TTC39A: variants seen among roughly 807,000 people sequenced by gnomAD.
The protein encoded by TTC39A is tetratricopeptide repeat protein 39A.
Under a neutral mutation model 82.3 loss-of-function variants are expected in TTC39A, and 46 were observed. The ratio of observed to expected loss-of-function variants is 0.56; its 90% CI spans 0.44 to 0.71. TTC39A has a LOEUF of 0.71. Ranked by LOEUF, TTC39A falls within the 30% of genes least tolerant of loss-of-function variation. TTC39A has a pLI of 0.00. For missense variants in TTC39A, 543 were observed against 712.9 expected (o/e 0.76, Z 2.71); for synonymous variants, 254 against 275.2 (o/e 0.92, Z 0.76).
chr1:51,291,040 G>T (rs554182260), intron 14 of TTC39A, among the ~76,000 whole-genome samples: 1 of 152,284 alleles, frequency 6.6e-6, no homozygotes, highest in South Asian at 2.1e-4. Flanking sequence ...TTAAGGCTAT[G>T]TCACCTTCTC....
At chr1:51,291,628 CAAAAAAAAAAAAAAAAAA>C (rs58825279) in intron 14 of TTC39A, among the ~76,000 whole-genome samples, 1 of 49,952 alleles carries the variant, frequency 2.0e-5, no homozygotes, top group African/African-American at 7.9e-5. Flanking sequence ...CCATCTCCAC[CAAAAAAAAAAAAAAAAAA>C]AAAAAAAAAA....
intron 1 of TTC39A, among the ~76,000 whole-genome samples, chr1:51,323,793 T>A (rs1313881907): frequency 6.6e-6 from 1 of 152,228 alleles, no homozygotes; most frequent in African/African-American, 2.4e-5. Flanking sequence ...CCATCTTCAA[T>A]TCCTTTATAC....
intron 1 of TTC39A, chr1:51,344,864 C>T (rs1570037657): frequency 8.2e-7 from 1 of 1,214,348 alleles, no homozygotes; most frequent in Non-Finnish European, 1.1e-6. Context: ...CCGACCCCCA[C>T]GCCCAGCAGC....
chr1:51,336,068 C>G (rs1017312679), upstream of TTC39A, among the ~76,000 whole-genome samples: 1 of 152,074 alleles, frequency 6.6e-6, no homozygotes, highest in Non-Finnish European at 1.5e-5. Context: ...CAGATACCCC[C>G]TCTTCAGAGT....
At chr1:51,328,543 C>A (rs1430864361) in intron 1 of TTC39A, among the ~76,000 whole-genome samples, 2 of 152,216 alleles carry the variant, frequency 1.3e-5, no homozygotes, top group Non-Finnish European at 2.9e-5. Flanking sequence ...TTAAGACTTA[C>A]ACACACTGAG....
intron 6 of TTC39A, among the ~76,000 whole-genome samples, chr1:51,307,734 CAAAAAAAAA>C (rs1216098958): frequency 1.3e-5 from 1 of 75,340 alleles, no homozygotes; most frequent in African/African-American, 4.4e-5. Context: ...GACTCTGTCT[CAAAAAAAAA>C]AAAAAAAAAA....
chr1:51,333,220 C>CAAAAAAAAAAAAAAAAAAAAA (rs748559262), upstream of TTC39A, among the ~76,000 whole-genome samples: 1 of 80,290 alleles, frequency 1.2e-5, no homozygotes, highest in Non-Finnish European at 2.5e-5. Context: ...TCGCCCCCAC[C>CAAAAAAAAAAAAAAAAAAAAA]AAAAAAAAAA....
At chr1:51,300,977 A>G (rs1644629803) in intron 12 of TTC39A, 1 of 152,278 alleles carries the variant, frequency 6.6e-6, no homozygotes, top group African/African-American at 2.4e-5. Context: ...TCCTGCAAAG[A>G]TGCAGCAGAA....
In TTC39A at chr1:51,287,567, A is replaced by G. The variant is rs754344484; in HGVS notation, c.*590T>C. On this transcript the variant is annotated 3_prime_UTR_variant, in exon 18 of 18. Coordinates refer to ENST00000680483, the MANE Select transcript of TTC39A (RefSeq NM_001297663.2). Reference sequence around the variant, plus strand: ...GATTTTTAAATTGGAAATTTACAAAAGGAGTGAAATGAAGTGTGAGTAGTA... The same window carrying G: ...GATTTTTAAATTGGAAATTTACAAAGGGAGTGAAATGAAGTGTGAGTAGTA... The G allele has an allele frequency of 4.6e-5, 7 of 152,298 alleles. No individual in the cohort carries two copies. Among genetic ancestry groups the G allele is most frequent in the Non-Finnish European group, 7.3e-5 (5 of 68,072 alleles). The allele number at this position is 152,298 out of a possible 1,614,324, so 9.4% of individuals were successfully genotyped here.
intron 6 of TTC39A, among the ~76,000 whole-genome samples, chr1:51,306,853 A>ACAC (rs1644885320): frequency 1.7e-5 from 1 of 60,184 alleles, no homozygotes; most frequent in African/African-American, 8.6e-5. Flanking sequence ...TAAGGGACAG[A>ACAC]CCCCCCCCCC....
chr1:51,335,419 G>A (rs971805288), upstream of TTC39A: 1 of 151,208 alleles, frequency 6.6e-6, no homozygotes, highest in African/African-American at 2.4e-5. Context: ...AAAATAGCTG[G>A]AGGTGATGGT....
At chr1:51,304,990 T>C in intron 8 of TTC39A, 91 bp downstream of exon 8, 1 of 1,404,172 alleles carries the variant, frequency 7.1e-7, no homozygotes, top group Non-Finnish European at 1.0e-6. Context: ...GATGGGCTCC[T>C]AGGCCCTGTG....
At chr1:51,291,035 G>C (rs776873212) in intron 14 of TTC39A, among the ~76,000 whole-genome samples, 1 of 152,148 alleles carries the variant, frequency 6.6e-6, no homozygotes, top group South Asian at 2.1e-4. Context: ...AGAATTTAAG[G>C]CTATGTCACC....
chr1:51,301,349 T>C (rs1259734732), intron 12 of TTC39A: 6 of 524,914 alleles, frequency 1.1e-5, no homozygotes, highest in African/African-American at 9.4e-5. Flanking sequence ...GAGGGAGCCA[T>C]GTTTCTGTCC....
chr1:51,296,231 G>C (rs1221031046), intron 12 of TTC39A, 61 bp from the exon 13 acceptor site: 12 of 1,511,280 alleles, frequency 7.9e-6, no homozygotes, highest in Admixed American at 2.0e-5. Context: ...AGCCGGGCTG[G>C]AATCTGCAGA....
At chr1:51,317,902 C>G (rs111486009) in intron 2 of TTC39A, among the ~76,000 whole-genome samples, 4 of 152,102 alleles carry the variant, frequency 2.6e-5, no homozygotes, top group Non-Finnish European at 4.4e-5. Flanking sequence ...TCTGTTAGGA[C>G]GAGGGTTTCC....
chr1:51,330,821 T>C, upstream of TTC39A: 1 of 445,730 alleles, frequency 2.2e-6, no homozygotes, highest in Non-Finnish European at 4.0e-6. The surrounding 1 kb of genome is among the most constrained non-coding windows in gnomAD (Gnocchi z 4.5). Flanking sequence ...GCGCTAGAAG[T>C]TCTTCTCCGG....
At chr1:51,305,588 T>A in intron 7 of TTC39A, 1 of 318,554 alleles carries the variant, frequency 3.1e-6, no homozygotes, top group Non-Finnish European at 6.0e-6. Context: ...CTCTGTCCCC[T>A]CTAAGTCATC....
intron 1 of TTC39A, among the ~76,000 whole-genome samples, chr1:51,337,635 C>CA (rs934956612): frequency 6.6e-6 from 1 of 152,010 alleles, no homozygotes; most frequent in African/African-American, 2.4e-5. Flanking sequence ...CCATGTTGGC[C>CA]AGGCTGGTCT....
Sources: gnomAD v4.1 joint callset for allele counts (sites outside exome capture counted in the v4.1 genomes callset) on GRCh38, gnomAD v4.1.1 for gene constraint, Gnocchi (gnomAD v3.1) non-coding constraint, MANE v1.5 for transcripts, NCBI Gene and HGNC (gene_info 2026-07-23, HGNC 2026-07-21) for gene names.